KDM2B: variants seen among roughly 807,000 people sequenced by gnomAD.
KDM2B encodes the protein lysine demethylase 2B, also known as lysine-specific demethylase 2B.
KDM2B carries 26 observed loss-of-function variants against 150.0 expected under a neutral mutation model. The ratio of observed to expected loss-of-function variants is 0.17; its 90% CI spans 0.13 to 0.24. The LOEUF is 0.24. Ranked by LOEUF, KDM2B falls within the 10% of genes least tolerant of loss-of-function variation. The pLI is 1.00. For missense variants in KDM2B, 1,265 were observed against 1,816.9 expected (o/e 0.70, Z 5.52); for synonymous variants, 734 against 729.5 (o/e 1.01, Z -0.10).
downstream of KDM2B, among the ~76,000 whole-genome samples, chr12:121,426,530 T>A (rs1555284254): frequency 6.7e-6 from 1 of 149,302 alleles, no homozygotes; most frequent in Non-Finnish European, 1.5e-5. Flanking sequence ...CACTACAGTC[T>A]TAACTTCTGG....
At chr12:121,564,426 T>G (rs1890556150) in intron 4 of KDM2B, among the ~76,000 whole-genome samples, 2 of 151,868 alleles carry the variant, frequency 1.3e-5, no homozygotes, top group Admixed American at 1.3e-4. Flanking sequence ...CCACTGCACT[T>G]CAGCCTGGGC....
chr12:121,408,566 A>G, the KDM2B span, among the ~76,000 whole-genome samples: 1 of 152,214 alleles, frequency 6.6e-6, no homozygotes, highest in Non-Finnish European at 1.5e-5. Context: ...AGTTGTAGGT[A>G]GAGATGCCTT....
Position 121,442,599 on chromosome 12 carries a change from T to G in KDM2B, c.2842A>C (p.Arg948=). The part of the protein sequence containing the change: ...KRRLPNKELS[R]ELSKELNHEI... ...TGGTTGAGCTCCTTGCTCAGCTCCCTGCTCAGCTCCTTGTTGGGAAGCCGC... is the reference window on the plus strand; with the variant it reads ...TGGTTGAGCTCCTTGCTCAGCTCCCGGCTCAGCTCCTTGTTGGGAAGCCGC... Residue 948 remains arginine (R), a synonymous_variant, in exon 19 of 23, where the codon AGG becomes CGG. Coordinates refer to ENST00000377071, the MANE Select transcript of KDM2B (RefSeq NM_032590.5). The surrounding 1 kb of genome is among the most constrained non-coding windows in gnomAD (Gnocchi z 7.7). 6.2e-7 allele frequency: 1 copy of G among 1,602,108 alleles called. No homozygotes were observed. Among genetic ancestry groups the G allele is most frequent in the Non-Finnish European group, 8.5e-7 (1 of 1,179,658 alleles).
chr12:121,434,888 C>T (rs371025468), intron 22 of KDM2B, among the ~76,000 whole-genome samples: 80 of 152,098 alleles, frequency 5.3e-4, no homozygotes, highest in Non-Finnish European at 1.1e-3. Flanking sequence ...ACCCAGGAGG[C>T]GGAAGCTGCA....
chr12:121,579,489 AGCCGCCCCC>A, intron 1 of KDM2B: 1 of 766,232 alleles, frequency 1.3e-6, no homozygotes, highest in South Asian at 1.4e-5. Context: ...CTGAGACCCC[AGCCGCCCCC>A]GCCGCCCGCC....
intron 12 of KDM2B, among the ~76,000 whole-genome samples, chr12:121,483,038 C>T (rs914292165): frequency 2.0e-5 from 3 of 152,022 alleles, no homozygotes; most frequent in African/African-American, 7.2e-5. Flanking sequence ...TGGGGGGCGC[C>T]TGTAATCCCA....
intron 13 of KDM2B, among the ~76,000 whole-genome samples, chr12:121,446,117 C>T (rs781851805): frequency 3.1e-4 from 47 of 152,336 alleles, no homozygotes; most frequent in South Asian, 6.2e-4. Flanking sequence ...ATCACCAGGC[C>T]GGGCGCGGTG....
intron 8 of KDM2B, among the ~76,000 whole-genome samples, chr12:121,522,486 C>A (rs2051945637): frequency 1.3e-5 from 2 of 149,858 alleles, no homozygotes; most frequent in African/African-American, 2.5e-5. Flanking sequence ...TGCACTCCAG[C>A]CTGGGCAACA....
At position 121,440,930 on chromosome 12, in the gene KDM2B, C is replaced by T. The variant is rs1874908509; in HGVS notation, c.3496G>A (p.Ala1166Thr). Residue 1166 changes from alanine to threonine, a missense_variant, in exon 21 of 23, where the codon GCC becomes ACC. Ala to Thr is a moderately conservative substitution (Grantham distance 58). Around this residue, in one of 11 missense-constraint regions of KDM2B, gnomAD observed 251 missense variants for 397.8 expected, o/e 0.63. Transcript: ENST00000377071. ...LSGCSWIAVS[A>T]LCSSSCPLLR... ...AGCGGACAACTGGAGCTGCAAAGGG[C>T]CGAGACCGCGATCCATGAGCAGCCT... 9.9e-6 allele frequency: 16 copies of T among 1,614,094 alleles called. No individual in the cohort carries two copies. The highest frequency in any genetic ancestry group is 1.4e-5 in the Non-Finnish European group (16 of 1,180,004).
chr12:121,531,914 A>T (rs1249999967), intron 8 of KDM2B, among the ~76,000 whole-genome samples: 1 of 152,044 alleles, frequency 6.6e-6, no homozygotes, highest in African/African-American at 2.4e-5. Context: ...ACAACATGGC[A>T]AAACCCCACC....
At chr12:121,578,217 A>G (rs984435874) in intron 2 of KDM2B, among the ~76,000 whole-genome samples, 3 of 152,328 alleles carry the variant, frequency 2.0e-5, no homozygotes, top group Middle Eastern at 3.4e-3. Context: ...CAACAGCTTC[A>G]GGGCTCATGG....
At chr12:121,547,791 C>G (rs556859959) in intron 6 of KDM2B, among the ~76,000 whole-genome samples, 1 of 151,820 alleles carries the variant, frequency 6.6e-6, no homozygotes, top group Non-Finnish European at 1.5e-5. Context: ...TACAGGCGTG[C>G]ACCACCACAC....
chr12:121,457,210 G>A (rs546563741), intron 12 of KDM2B, among the ~76,000 whole-genome samples: 1 of 152,280 alleles, frequency 6.6e-6, no homozygotes, highest in Non-Finnish European at 1.5e-5. Context: ...TCTCTGTCCT[G>A]ATATCTTTTG....
intron 13 of KDM2B, among the ~76,000 whole-genome samples, chr12:121,446,202 C>T (rs57504722): frequency 0.18 from 27,666 of 152,080 alleles, 6,490 homozygotes; most frequent in African/African-American, 0.54. Context: ...GAGACCATCC[C>T]GGCTACCACG....
At chr12:121,503,634 A>AG (rs1349070296) in intron 11 of KDM2B, among the ~76,000 whole-genome samples, 4 of 150,338 alleles carry the variant, frequency 2.7e-5, no homozygotes, top group Non-Finnish European at 5.9e-5. Flanking sequence ...TTTAACTTGG[A>AG]GGGGGGATGA....
rs368912746 is a variant in KDM2B at position 121,444,540 on chromosome 12, C to T, written c.2104-4G>A. The T allele has an allele frequency of 8.1e-6, 13 of 1,613,358 alleles. No individual in the cohort carries two copies. Among genetic ancestry groups the T allele is most frequent in the Middle Eastern group, 3.3e-4 (2 of 6,084 alleles). ...CCACACCCTCTGACTCCTTAATCTG[C>T]GGGGAACACCAGGACTCAGAAGAGG... On this transcript the variant is annotated splice_region_variant and splice_polypyrimidine_tract_variant and intron_variant, in intron 14 of 22. Transcript: ENST00000377071.
rs1291278596 is a variant in KDM2B at position 121,575,644 on chromosome 12, G to A, written c.350+137C>T. ...CCCTTTGTCAGGCCTTGAACAAGGA[G>A]ATGCTGTTCCCAGATCGTGAAAAAA... On this transcript the variant is annotated intron_variant, in intron 3 of 22. Coordinates refer to ENST00000377071, the MANE Select transcript of KDM2B (RefSeq NM_032590.5). This position sits in a 1 kb window ranked among gnomAD's most constrained non-coding sequence, Gnocchi z 4.4. The A allele has an allele frequency of 7.2e-6, 5 of 696,632 alleles. No individual in the cohort carries two copies. The highest frequency in any genetic ancestry group is 1.8e-5 in the African/African-American group (1 of 56,644). The allele number at this position is 696,632 out of a possible 1,614,324, so 43.2% of individuals were successfully genotyped here.
intron 1 of KDM2B, 135 bp downstream of exon 1, chr12:121,580,651 G>T: frequency 7.5e-7 from 1 of 1,332,200 alleles, no homozygotes; most frequent in Non-Finnish European, 1.0e-6. Context: ...GCGCGGAAAT[G>T]CAAGCCGAGC....
intron 12 of KDM2B, chr12:121,470,196 G>A (rs1555295733): frequency 1.3e-5 from 2 of 152,082 alleles, no homozygotes; most frequent in African/African-American, 4.8e-5. Flanking sequence ...ATTATCTTGA[G>A]GTTGATTTCC....
Sources: gnomAD v4.1 joint callset for allele counts (sites outside exome capture counted in the v4.1 genomes callset) on GRCh38, gnomAD v4.1.1 for gene constraint, gnomAD v4.1.1 regional missense constraint, Gnocchi (gnomAD v3.1) non-coding constraint, MANE v1.5 for transcripts, NCBI Gene and HGNC (gene_info 2026-07-23, HGNC 2026-07-21) for gene names.